Variants in MAX observed in about 807,000 individuals in gnomAD.
MAX encodes protein max.
In MAX, 3 loss-of-function variants were observed where a neutral mutation model predicts 22.3. The ratio of observed to expected loss-of-function variants is 0.13; its 90% CI spans 0.06 to 0.35. The LOEUF (loss-of-function observed/expected upper bound fraction) is 0.35, where lower values mean the gene tolerates loss of function less well. Among genes scored for constraint, MAX ranks in the 10% least tolerant of loss-of-function variants. The probability of loss-of-function intolerance (pLI) is 1.00; values close to 1 mark genes in which losing one functional copy is unlikely to be tolerated. For missense variants in MAX, 119 were observed against 209.4 expected, an observed-to-expected ratio of 0.57 and a Z score of 2.66; for synonymous variants, 72 against 77.7, an observed-to-expected ratio of 0.93 and a Z score of 0.39.
intron 2 of MAX, among the ~76,000 whole-genome samples, chr14:65,100,463 A>T (rs2063799323): frequency 6.6e-6 from 1 of 152,134 alleles, no homozygotes; most frequent in Non-Finnish European, 1.5e-5. Context: ...ATAAATAAAT[A>T]AAATAAAATT....
At chr14:65,034,701 G>A (rs898438656) in intron 3 of MAX, among the ~76,000 whole-genome samples, 5 of 152,268 alleles carry the variant, frequency 3.3e-5, no homozygotes, top group South Asian at 2.1e-4. Context: ...TTCTTTATGA[G>A]TGCATTTTTC....
chr14:65,076,191 T>C lies in MAX; in HGVS notation c.*285A>G. The C allele has an allele frequency of 7.1e-7, 1 of 1,410,194 alleles. No individual in the cohort carries two copies. Among genetic ancestry groups the C allele is most frequent in the Non-Finnish European group, 9.2e-7 (1 of 1,086,518 alleles). 87.4% of individuals were successfully genotyped at this position (1,410,194 alleles called of 1,614,324 possible). Reference sequence around the variant, plus strand: ...CAGAGGTCCGGCCGGCCGTCTGTCCTCCACAGAAAAAGCTGCCAAGTTGGG... The same window carrying C: ...CAGAGGTCCGGCCGGCCGTCTGTCCCCCACAGAAAAAGCTGCCAAGTTGGG... On this transcript the variant is annotated 3_prime_UTR_variant, in exon 5 of 5. Transcript: ENST00000358664. The surrounding 1 kb of genome is among the most constrained non-coding windows in gnomAD (Gnocchi z 6.6).
chr14:65,089,627 G>A (rs1225807215), intron 3 of MAX, among the ~76,000 whole-genome samples: 1 of 151,696 alleles, frequency 6.6e-6, no homozygotes, highest in Admixed American at 6.6e-5. Flanking sequence ...CCCATGTAAA[G>A]GCTGGCTATC....
At chr14:65,024,397 T>A (rs916111855) in intron 3 of MAX, among the ~76,000 whole-genome samples, 1 of 152,206 alleles carries the variant, frequency 6.6e-6, no homozygotes, top group South Asian at 2.1e-4. Context: ...AAGCTTTGCA[T>A]GTATCTGAAT....
At chr14:65,037,802 A>G (rs1431642082) in intron 3 of MAX, among the ~76,000 whole-genome samples, 1 of 138,840 alleles carries the variant, frequency 7.2e-6, no homozygotes, top group Non-Finnish European at 1.5e-5. Context: ...ATTTATTGAG[A>G]TGGTGCCTTG....
intron 3 of MAX, among the ~76,000 whole-genome samples, chr14:65,065,040 A>G (rs2062917195): frequency 6.6e-6 from 1 of 152,244 alleles, no homozygotes; most frequent in African/African-American, 2.4e-5. Flanking sequence ...GGCTTAAGTC[A>G]GTCAGCATGA....
At chr14:65,006,114 G>T (rs1223073664), downstream of MAX, 31 of 1,592,798 alleles carry the variant, frequency 1.9e-5, no homozygotes, top group Non-Finnish European at 2.5e-5. Context: ...CTGCTTACTG[G>T]AACATTATAA....
rs887887316 is a variant in MAX, at chr14:65,044,435, A to G, written c.172-38151T>C. The stretch of plus-strand genomic sequence containing the variant: ...CTGCCCCTGCTCCACCGCGCACTGC[A>G]CGCCCAAGGTGAGCCTGGGGAGCTG... On this transcript the variant is annotated intron_variant, in intron 3 of 3. Transcript: ENST00000341653. The surrounding 1 kb of genome is among the most constrained non-coding windows in gnomAD (Gnocchi z 5.5). The G allele has an allele frequency of 1.2e-6, 2 of 1,609,566 alleles. No individual in the cohort carries two copies. Among genetic ancestry groups the G allele is most frequent in the East Asian group, 2.2e-5 (1 of 44,580 alleles).
intron 2 of MAX, among the ~76,000 whole-genome samples, chr14:65,100,979 C>T (rs909050704): frequency 2.0e-5 from 3 of 152,196 alleles, no homozygotes; most frequent in Non-Finnish European, 4.4e-5. Flanking sequence ...TCTTCAAATA[C>T]AGAGAATCAG....
Position 65,014,137 on chromosome 14 carries a change from C to A in MAX, c.172-7853G>T, listed in dbSNP as rs772528729. 6.6e-6 allele frequency among the ~76,000 whole-genome samples: 1 copy of A among 152,204 alleles called. No individual in the cohort carries two copies. The highest frequency in any genetic ancestry group is 1.5e-5 in the Non-Finnish European group (1 of 68,040). On this transcript the variant is annotated intron_variant, in intron 3 of 3. Coordinates refer to the MAX transcript ENST00000341653. This position sits in a 1 kb window ranked among gnomAD's most constrained non-coding sequence, Gnocchi z 5.1. ...TGGATTGACTCTAAAAACCTAGGTTCTTGTCTCACCTCTGACATTTGCTAT... is the reference window on the plus strand; with the variant it reads ...TGGATTGACTCTAAAAACCTAGGTTATTGTCTCACCTCTGACATTTGCTAT...
intron 3 of MAX, among the ~76,000 whole-genome samples, chr14:65,085,044 T>C (rs546733464): frequency 6.6e-6 from 1 of 152,070 alleles, no homozygotes; most frequent in Non-Finnish European, 1.5e-5. Context: ...ATGTGGCTAA[T>C]AAACACTTGA....
rs778150927 is a variant in MAX, at chr14:65,046,591, G to A, written c.172-40307C>T. On this transcript the variant is annotated intron_variant, in intron 3 of 3. Transcript: ENST00000341653. The stretch of plus-strand genomic sequence containing the variant: ...GTGCTTCCAGCTTTTTTCATTGGCT[G>A]GGAGAAGGCCTGTGTTGTCTTCTCA... Among the ~76,000 whole-genome samples, 4 of 152,114 alleles carry A rather than the reference G, an allele frequency of 2.6e-5. No individual in the cohort carries two copies. The East Asian group carries it at 7.7e-4, about 29-fold the overall frequency.
At position 65,077,384 on chromosome 14, in the gene MAX, G is replaced by A; in HGVS notation, c.295+529C>T. On this transcript the variant is annotated intron_variant, in intron 4 of 4. Coordinates refer to ENST00000358664, the MANE Select transcript of MAX (RefSeq NM_002382.5). This position sits in a 1 kb window ranked among gnomAD's most constrained non-coding sequence, Gnocchi z 6.3. ...CATCTTCCATGAGGGAGGAAGAGAA[G>A]TGAATTCCCCAGGAACAAAGAACTT... 1 of 1,614,020 alleles carries A rather than the reference G, an allele frequency of 6.2e-7. No homozygotes were observed. Among genetic ancestry groups the A allele is most frequent in the Non-Finnish European group, 8.5e-7 (1 of 1,179,872 alleles).
At chr14:65,097,047 C>T (rs2063694647) in intron 2 of MAX, among the ~76,000 whole-genome samples, 1 of 152,198 alleles carries the variant, frequency 6.6e-6, no homozygotes, top group Non-Finnish European at 1.5e-5. Context: ...AGATGCTCAA[C>T]AGAAACTCCC....
chr14:65,050,551 A>G (rs1455943486), intron 3 of MAX, among the ~76,000 whole-genome samples: 2 of 152,212 alleles, frequency 1.3e-5, no homozygotes, highest in African/African-American at 2.4e-5. Context: ...AGATCACACC[A>G]CTGCACTCCA....
chr14:65,049,208 TAAGA>T (rs2062554955), intron 3 of MAX, among the ~76,000 whole-genome samples: 1 of 152,076 alleles, frequency 6.6e-6, no homozygotes, highest in Non-Finnish European at 1.5e-5. Context: ...TGTGGAGCAA[TAAGA>T]AAGCAGCAGG....
chr14:65,060,359 C>T (rs1214856976), intron 3 of MAX, among the ~76,000 whole-genome samples: 15 of 150,986 alleles, frequency 9.9e-5, no homozygotes, highest in South Asian at 2.1e-4. Context: ...GAGGCCGAGG[C>T]GGGTGGATCA....
intron 3 of MAX, among the ~76,000 whole-genome samples, chr14:65,067,184 T>TA (rs111423249): frequency 0.017 from 2,231 of 133,454 alleles, 20 homozygotes; most frequent in Middle Eastern, 0.034. Flanking sequence ...GACCCTGTCT[T>TA]AAAAAAAAAA....
chr14:65,014,739 G>A lies in MAX; in HGVS notation c.172-8455C>T, dbSNP rs568631917. On this transcript the variant is annotated intron_variant, in intron 3 of 3. Coordinates refer to the MAX transcript ENST00000341653. This position sits in a 1 kb window ranked among gnomAD's most constrained non-coding sequence, Gnocchi z 5.1. ...TGAGGTGGGAGGATTGCTTGAGCCC[G>A]GGAGGTTGAGGCTGCAGTGAGCTGA... 1.6e-4 allele frequency among the ~76,000 whole-genome samples: 25 copies of A among 152,180 alleles called. No homozygotes were observed. The highest frequency in any genetic ancestry group is 6.2e-4 in the South Asian group (3 of 4,818).
Sources: gnomAD v4.1 joint callset for allele counts (sites outside exome capture counted in the v4.1 genomes callset) on GRCh38, gnomAD v4.1.1 for gene constraint, Gnocchi (gnomAD v3.1) non-coding constraint, MANE v1.5 for transcripts, NCBI Gene and HGNC (gene_info 2026-07-23, HGNC 2026-07-21) for gene names.